SLC12A9: variants seen among roughly 807,000 people sequenced by gnomAD.
The protein encoded by SLC12A9 is CCC-interacting protein 1.
A neutral mutation model predicts 66.0 loss-of-function variants in SLC12A9; 55 were observed. The ratio of observed to expected loss-of-function variants is 0.83; its 90% confidence interval spans 0.67 to 1.04. The LOEUF is 1.04. Ranked by LOEUF, SLC12A9 falls within the 50% of genes least tolerant of loss-of-function variation. SLC12A9 has a pLI of 0.00. For missense variants in SLC12A9, 1,061 were observed against 1,241.9 expected, an observed-to-expected ratio of 0.85 and a Z score of 2.19; for synonymous variants, 577 against 569.0, an observed-to-expected ratio of 1.01 and a Z score of -0.20.
At position 100,861,857 on chromosome 7, in the gene SLC12A9, C is replaced by T. The variant is rs369878535; in HGVS notation, c.1657C>T (p.Gln553Ter). Residue 553 changes from glutamine (Q) to a stop codon, truncating the protein, a stop_gained, in exon 12 of 14, where the codon CAG (glutamine) becomes TAG (stop). Coordinates refer to ENST00000354161, the MANE Select transcript of SLC12A9 (RefSeq NM_020246.4). LOFTEE classifies it high-confidence loss of function. The surrounding 1 kb of genome is among the most constrained non-coding windows in gnomAD (Gnocchi z 5.3). ...CCTGCCTCTGCTGCGGTTGGCCAAC[C>T]AGCTTAAGAAGGGGGGGCTGTATGT... Reference protein sequence around the residue: ...GALPLLRLANQLKKGGLYVLG... With the variant: ...GALPLLRLAN 1 of 1,613,700 alleles carries T rather than the reference C, an allele frequency of 6.2e-7. No homozygotes were observed. The highest frequency in any genetic ancestry group is 1.3e-5 in the African/African-American group (1 of 74,902).
chr7:100,865,254 T>G, intron 13 of SLC12A9: 1 of 1,535,676 alleles, frequency 6.5e-7, no homozygotes, highest in Non-Finnish European at 8.7e-7. Flanking sequence ...CACGGTGCCC[T>G]GCCTGGTCCA....
chr7:100,846,036 T>C (rs1299081886), intron 1 of SLC12A9, among the ~76,000 whole-genome samples: 1 of 152,192 alleles, frequency 6.6e-6, no homozygotes, highest in Non-Finnish European at 1.5e-5. Flanking sequence ...AATTTAACCT[T>C]ACTAATTGCT....
In SLC12A9 at chr7:100,866,301, C is replaced by G; in HGVS notation, c.2441C>G (p.Ala814Gly). ...GGGGCCGGGGCTGGGGAACCCGAGG[C>G]GGAGGAGGAAGGGGACTTTGTGAAC... is the stretch of plus-strand genomic sequence containing the variant. ...GEGAGAGEPE[A>G]EEEGDFVNSG... The change falls in exon 14 of 14, where the codon GCG becomes GGG. Residue 814 changes from alanine (A) to glycine (G), a missense_variant. Coordinates refer to ENST00000354161, the MANE Select transcript of SLC12A9 (RefSeq NM_020246.4). The surrounding 1 kb of genome is among the most constrained non-coding windows in gnomAD (Gnocchi z 7.3). The G allele has an allele frequency of 6.6e-7, 1 of 1,517,600 alleles. No homozygotes were observed. Among genetic ancestry groups the G allele is most frequent in the Non-Finnish European group, 8.8e-7 (1 of 1,130,712 alleles). 94.0% of individuals were successfully genotyped at this position (1,517,600 alleles called of 1,614,324 possible).
intron 13 of SLC12A9, 98 bp downstream of exon 13, chr7:100,862,925 C>A: frequency 6.9e-7 from 1 of 1,444,266 alleles, no homozygotes; most frequent in Non-Finnish European, 9.6e-7. Context: ...TTGCAAACTG[C>A]AAAAGGACCT....
chr7:100,865,771 G>A lies in SLC12A9; in HGVS notation c.1911G>A (p.Pro637=), dbSNP rs781223283. ...LVLGFYDDAP[P]QDHFLTDPAF... ...TAGGTTTCTACGATGACGCTCCACC[G>A]CAGGACCATTTCCTGACGGACCCGG... Residue 637 remains proline (P), a synonymous_variant, in exon 14 of 14, where the codon CCG becomes CCA. Coordinates refer to ENST00000354161, the MANE Select transcript of SLC12A9 (RefSeq NM_020246.4). 1.2e-6 allele frequency: 2 copies of A among 1,613,972 alleles called. No homozygotes were observed. Among genetic ancestry groups the A allele is most frequent in the South Asian group, 1.1e-5 (1 of 91,066 alleles).
At position 100,831,366 on chromosome 7, in the gene SLC12A9, A is replaced by G. The variant is rs576210652; in HGVS notation, n.228+4319A>G. 4.7e-4 allele frequency among the ~76,000 whole-genome samples: 71 copies of G among 152,058 alleles called. 2 individuals carry two copies. Among genetic ancestry groups the G allele is most frequent in the Non-Finnish European group, 2.9e-4 (20 of 67,994 alleles). On this transcript the variant is annotated intron_variant and non_coding_transcript_variant, in intron 1 of 1. Coordinates refer to the SLC12A9 transcript ENST00000461016. Reference sequence around the variant, plus strand: ...CACACCGGGCTAATTTTGTATTTTTAGTAGACGCGGGGTTTCTCCATGTTG... The same window carrying G: ...CACACCGGGCTAATTTTGTATTTTTGGTAGACGCGGGGTTTCTCCATGTTG...
In SLC12A9 at chr7:100,859,977, C is replaced by T. The variant is rs770439198; in HGVS notation, c.1070C>T (p.Ala357Val). Reference protein sequence around the residue: ...LIGIYATALSASMSSLIGASR... With the variant: ...LIGIYATALSVSMSSLIGASR... ...GGAATCTATGCCACAGCGCTCTCAG[C>T]GTCCATGAGCTCGCTCATTGGTGCC... The change falls in exon 8 of 14, where the codon GCG becomes GTG. Residue 357 changes from alanine (A) to valine (V), a missense_variant. Transcript: ENST00000354161. 7 of 1,613,304 alleles carry T rather than the reference C, an allele frequency of 4.3e-6. No individual in the cohort carries two copies. Among genetic ancestry groups the T allele is most frequent in the Admixed American group, 1.7e-5 (1 of 60,000 alleles).
At chr7:100,827,052 G>A (rs1452911221) in intron 1 of SLC12A9, 2 of 1,569,726 alleles carry the variant, frequency 1.3e-6, no homozygotes, top group Non-Finnish European at 8.6e-7. Flanking sequence ...ACTCGGGTAG[G>A]ATCCGAACTG....
intron 1 of SLC12A9, among the ~76,000 whole-genome samples, chr7:100,830,724 C>G (rs1389115359): frequency 2.0e-5 from 3 of 151,832 alleles, no homozygotes; most frequent in Admixed American, 1.3e-4. Flanking sequence ...CAAAGAGAAT[C>G]TGGTAAAAAT....
intron 1 of SLC12A9, chr7:100,827,186 C>A: frequency 1.5e-6 from 1 of 649,028 alleles, no homozygotes; most frequent in Non-Finnish European, 2.2e-6. Context: ...GGGCACCGGG[C>A]GGCGGCGCCA....
chr7:100,864,350 G>A (rs575868316), intron 13 of SLC12A9, among the ~76,000 whole-genome samples: 13 of 152,160 alleles, frequency 8.5e-5, no homozygotes, highest in African/African-American at 2.6e-4. Flanking sequence ...CAAAGTGCTG[G>A]GATGCCATTT....
At chr7:100,828,223 A>C (rs936525838) in intron 1 of SLC12A9, among the ~76,000 whole-genome samples, 9 of 152,114 alleles carry the variant, frequency 5.9e-5, no homozygotes, top group African/African-American at 1.9e-4. Flanking sequence ...AGTAGAGAAA[A>C]ATCGAGGAAA....
At chr7:100,857,488 G>A (rs1814466280) in intron 5 of SLC12A9, 1 of 323,746 alleles carries the variant, frequency 3.1e-6, no homozygotes, top group East Asian at 5.4e-5. Flanking sequence ...TCACCCAGGA[G>A]TGGAGAGAAG....
In SLC12A9 at chr7:100,866,860, C is replaced by G. The variant is rs1815128142; in HGVS notation, c.*255C>G. The G allele has an allele frequency of 1.7e-5, 7 of 416,132 alleles. No homozygotes were observed. Among genetic ancestry groups the G allele is most frequent in the Non-Finnish European group, 3.0e-5 (7 of 236,058 alleles). The allele number at this position is 416,132 out of a possible 1,614,324, so 25.8% of individuals were successfully genotyped here. On this transcript the variant is annotated 3_prime_UTR_variant, in exon 14 of 14. Coordinates refer to ENST00000354161, the MANE Select transcript of SLC12A9 (RefSeq NM_020246.4). The surrounding 1 kb of genome is among the most constrained non-coding windows in gnomAD (Gnocchi z 7.3). Reference sequence around the variant, plus strand: ...GTCCGCAGCCTCCCTTCACTGGTGCCTTGATGCTAGGGGCCAGGCCTCCTC... The same window carrying G: ...GTCCGCAGCCTCCCTTCACTGGTGCGTTGATGCTAGGGGCCAGGCCTCCTC...
chr7:100,838,282 C>T (rs1181003546), intron 1 of SLC12A9, among the ~76,000 whole-genome samples: 1 of 152,118 alleles, frequency 6.6e-6, no homozygotes, highest in African/African-American at 2.4e-5. Context: ...AGTATAGCAC[C>T]CAGCCATGTG....
At position 100,856,713 on chromosome 7, in the gene SLC12A9, T is replaced by C; in HGVS notation, c.449-155T>C. On this transcript the variant is annotated intron_variant, in intron 4 of 13. Coordinates refer to ENST00000354161, the MANE Select transcript of SLC12A9 (RefSeq NM_020246.4). ...TTTTTGTGGAGCTGGGGTTTCACAA[T>C]GTTGCCCAGGTTAGTTTTAAACTCC... 12 of 718,658 alleles carry C rather than the reference T, an allele frequency of 1.7e-5. 1 individual carries two copies. The South Asian group carries it at 2.1e-4, about 12-fold the overall frequency. The allele number at this position is 718,658 out of a possible 1,614,324, so 44.5% of individuals were successfully genotyped here.
chr7:100,862,655 C>T, intron 12 of SLC12A9, 26 bp from the exon 13 acceptor site: 1 of 1,611,600 alleles, frequency 6.2e-7, no homozygotes, highest in Non-Finnish European at 8.5e-7. Flanking sequence ...ACACTGGCTA[C>T]CTTCCTTTCC....
At chr7:100,827,038 C>T in exon 1 of SLC12A9, 1 of 1,579,798 alleles carries the variant, frequency 6.3e-7, no homozygotes, top group Non-Finnish European at 8.6e-7. Flanking sequence ...CATGGCGCCG[C>T]CTCACTCGGG....
At chr7:100,859,739 G>A in intron 7 of SLC12A9, 146 bp from the exon 8 acceptor site, 1 of 991,700 alleles carries the variant, frequency 1.0e-6, no homozygotes. Context: ...TGACCACTGA[G>A]TGATTAAATC....
Sources: allele counts gnomAD v4.1 joint callset (sites outside exome capture counted in the v4.1 genomes callset), GRCh38; gene constraint gnomAD v4.1.1; non-coding constraint Gnocchi (gnomAD v3.1); transcripts MANE v1.5; gene names NCBI Gene and HGNC (gene_info 2026-07-23, HGNC 2026-07-21).